Variants in CNTNAP5 observed in about 807,000 individuals in gnomAD.
The protein encoded by CNTNAP5 is contactin-associated protein-like 5.
A neutral mutation model predicts 150.2 loss-of-function variants in CNTNAP5; 72 were observed. The ratio of observed to expected loss-of-function variants is 0.48; its 90% CI spans 0.40 to 0.58. CNTNAP5 has a LOEUF of 0.58. CNTNAP5 is among the 20% of genes least tolerant of loss of function. The pLI is 0.00. For synonymous variants in CNTNAP5, 672 were observed against 619.8 expected (o/e 1.08, Z -1.25); for missense variants, 1,636 against 1,626.2 (o/e 1.01, Z -0.10).
chr2:124,567,749 T>C (rs1191857936), intron 11 of CNTNAP5, among the ~76,000 whole-genome samples: 2 of 152,142 alleles, frequency 1.3e-5, no homozygotes, highest in Non-Finnish European at 2.9e-5. Flanking sequence ...TATATTTTGG[T>C]CATGGTATGT....
At chr2:124,357,655 C>T (rs1690054472) in intron 3 of CNTNAP5, among the ~76,000 whole-genome samples, 1 of 138,926 alleles carries the variant, frequency 7.2e-6, no homozygotes, top group Non-Finnish European at 1.6e-5. Context: ...TGTTCTGTTC[C>T]ATTGATCTAT....
At chr2:124,059,775 G>A (rs1681954501) in intron 1 of CNTNAP5, among the ~76,000 whole-genome samples, 1 of 151,948 alleles carries the variant, frequency 6.6e-6, no homozygotes, top group South Asian at 2.1e-4. Flanking sequence ...TATCTGTGTG[G>A]CTCTGGTCTT....
intron 6 of CNTNAP5, among the ~76,000 whole-genome samples, chr2:124,455,552 C>T (rs1693099613): frequency 1.3e-5 from 2 of 152,074 alleles, no homozygotes; most frequent in African/African-American, 2.4e-5. Flanking sequence ...GAGAACCCTC[C>T]CTAAGTCATT....
chr2:124,114,487 G>T lies in CNTNAP5; in HGVS notation c.82+88755G>T, dbSNP rs749535525. On this transcript the variant is annotated intron_variant, in intron 1 of 23. Transcript: ENST00000682447. Reference sequence around the variant, plus strand: ...AAATTGACCTTGATTCATCAGCCTTGCTAACCTCATGAATCCTAATAATTT... The same window carrying T: ...AAATTGACCTTGATTCATCAGCCTTTCTAACCTCATGAATCCTAATAATTT... Among the ~76,000 whole-genome samples the T allele has an allele frequency of 1.3e-3, 197 of 151,956 alleles. 1 individual carries two copies. Among genetic ancestry groups the T allele is most frequent in the Middle Eastern group, 3.4e-3 (1 of 292 alleles).
intron 3 of CNTNAP5, among the ~76,000 whole-genome samples, chr2:124,318,997 G>T (rs1001335290): frequency 6.6e-6 from 1 of 152,060 alleles, no homozygotes. Context: ...AAACCTCCTG[G>T]GATAGTTTTT....
At chr2:124,755,719 A>G (rs967207584) in intron 14 of CNTNAP5, among the ~76,000 whole-genome samples, 5 of 152,192 alleles carry the variant, frequency 3.3e-5, no homozygotes, top group African/African-American at 1.2e-4. Context: ...AGGAGAAATA[A>G]TTCCATCTCC....
At chr2:124,097,750 C>A (rs1269749628) in intron 1 of CNTNAP5, among the ~76,000 whole-genome samples, 1 of 152,226 alleles carries the variant, frequency 6.6e-6, no homozygotes, top group African/African-American at 2.4e-5. Context: ...GACTTCCGGC[C>A]AGGCGCAGTG....
chr2:124,160,669 TA>T (rs1279880379), intron 1 of CNTNAP5, among the ~76,000 whole-genome samples: 1 of 152,126 alleles, frequency 6.6e-6, no homozygotes, highest in Non-Finnish European at 1.5e-5. Context: ...ATGATATACA[TA>T]ATGCAGTTTT....
At chr2:124,097,801 G>GCCAAA (rs1682971742) in intron 1 of CNTNAP5, among the ~76,000 whole-genome samples, 1 of 152,174 alleles carries the variant, frequency 6.6e-6, no homozygotes, top group Admixed American at 6.5e-5. Context: ...GGCCGAGGCG[G>GCCAAA]GAGGATCACG....
intron 13 of CNTNAP5, among the ~76,000 whole-genome samples, chr2:124,732,103 G>A (rs115523155): frequency 1.4e-3 from 216 of 152,142 alleles, no homozygotes; most frequent in African/African-American, 5.1e-3. Flanking sequence ...AGCTTGTCAG[G>A]GATCAGTGTT....
intron 3 of CNTNAP5, among the ~76,000 whole-genome samples, chr2:124,339,660 C>G (rs940350039): frequency 1.3e-5 from 2 of 152,184 alleles, no homozygotes; most frequent in African/African-American, 4.8e-5. Context: ...AACCAATTCA[C>G]TGAGACCATG....
At chr2:124,480,789 A>T (rs1324974797) in intron 7 of CNTNAP5, among the ~76,000 whole-genome samples, 1 of 152,084 alleles carries the variant, frequency 6.6e-6, no homozygotes, top group Non-Finnish European at 1.5e-5. Flanking sequence ...CTTCCATTTG[A>T]CCAGTCGGAC....
chr2:124,852,054 G>C (rs1421068358), intron 19 of CNTNAP5, among the ~76,000 whole-genome samples: 1 of 152,198 alleles, frequency 6.6e-6, no homozygotes, highest in Admixed American at 6.5e-5. Context: ...TAGATGGTGA[G>C]ATTAACCCTT....
chr2:124,027,856 GA>G (rs1680940382), intron 1 of CNTNAP5, among the ~76,000 whole-genome samples: 1 of 152,080 alleles, frequency 6.6e-6, no homozygotes, highest in South Asian at 2.1e-4. Context: ...TAGAACAGCA[GA>G]AAAAAATTAG....
intron 2 of CNTNAP5, among the ~76,000 whole-genome samples, chr2:124,236,589 T>A (rs1432809817): frequency 6.6e-6 from 1 of 152,222 alleles, no homozygotes; most frequent in African/African-American, 2.4e-5. Context: ...CTGTTATTCA[T>A]TACCATTACC....
At chr2:124,369,778 T>A (rs550432131) in intron 3 of CNTNAP5, among the ~76,000 whole-genome samples, 1 of 152,228 alleles carries the variant, frequency 6.6e-6, no homozygotes, top group African/African-American at 2.4e-5. Context: ...ATCGGACAAA[T>A]GCAAGGAGGT....
chr2:124,814,970 C>T (rs1268693286), intron 19 of CNTNAP5, among the ~76,000 whole-genome samples: 1 of 152,138 alleles, frequency 6.6e-6, no homozygotes, highest in Non-Finnish European at 1.5e-5. Context: ...GTTTGAATTG[C>T]CCACCTTAGG....
intron 19 of CNTNAP5, among the ~76,000 whole-genome samples, chr2:124,851,072 A>G (rs1173770083): frequency 6.6e-6 from 1 of 152,202 alleles, no homozygotes; most frequent in Non-Finnish European, 1.5e-5. Flanking sequence ...GCTAACATTA[A>G]AAGAGTTGCA....
At chr2:124,855,553 G>A (rs1677353922) in intron 19 of CNTNAP5, among the ~76,000 whole-genome samples, 1 of 152,170 alleles carries the variant, frequency 6.6e-6, no homozygotes, top group Non-Finnish European at 1.5e-5. Context: ...GTGGAAAACA[G>A]ATTAGAGTAG....
Sources: gnomAD v4.1 joint callset for allele counts (sites outside exome capture counted in the v4.1 genomes callset) on GRCh38, gnomAD v4.1.1 for gene constraint, MANE v1.5 for transcripts, NCBI Gene and HGNC (gene_info 2026-07-23, HGNC 2026-07-21) for gene names.